Variants in CRTAC1 observed in about 807,000 individuals in gnomAD.
CRTAC1 encodes the protein acidic secreted protein in cartilage.
CRTAC1 carries 37 observed loss-of-function variants against 67.8 expected under a neutral mutation model. The ratio of observed to expected loss-of-function variants is 0.55; its 90% CI spans 0.42 to 0.72. The LOEUF (loss-of-function observed/expected upper bound fraction) is 0.72. Among genes scored for constraint, CRTAC1 ranks in the 30% least tolerant of loss-of-function variants. CRTAC1 has a pLI of 0.00. For missense variants in CRTAC1, 780 were observed against 931.6 expected, an observed-to-expected ratio of 0.84 and a Z score of 2.12; for synonymous variants, 348 against 371.0, an observed-to-expected ratio of 0.94 and a Z score of 0.71.
chr10:97,881,089 C>G (rs7895168), intron 13 of CRTAC1, among the ~76,000 whole-genome samples: 25,575 of 152,166 alleles, frequency 0.17, 2,449 homozygotes, highest in African/African-American at 0.27. Context: ...CTGGCTTCCC[C>G]TCTTCCCTCC....
In CRTAC1 at chr10:97,909,166, G is replaced by A. The variant is rs149205042; in HGVS notation, c.716-1019C>T. On this transcript the variant is annotated intron_variant, in intron 5 of 14. Transcript: ENST00000370597. Reference sequence around the variant, plus strand: ...CTAAGATCAAATCTGAGCTATCCACGTCAAGAAGTCTAACCTTAATACGTC... The same window carrying A: ...CTAAGATCAAATCTGAGCTATCCACATCAAGAAGTCTAACCTTAATACGTC... Among the ~76,000 whole-genome samples, 248 of 152,204 alleles carry A rather than the reference G, an allele frequency of 1.6e-3. 2 individuals are homozygous for A. Among genetic ancestry groups the A allele is most frequent in the African/African-American group, 5.4e-3 (224 of 41,524 alleles).
intron 14 of CRTAC1, 107 bp from the exon 15 acceptor site, chr10:97,865,821 GGTGGGAGGGAGGGT>G: frequency 7.8e-7 from 1 of 1,274,916 alleles, no homozygotes; most frequent in Non-Finnish European, 1.0e-6. Context: ...TGCTGCCCGG[GGTGGGAGGGAGGGT>G]GACGGGCCTC....
chr10:98,007,387 C>T lies in CRTAC1; in HGVS notation c.224+3751G>A, dbSNP rs115912338. ...GGAGACAGTGACAAATCATCCAAAG[C>T]TGAAGATAATAAAAAGTTATATTTG... is the stretch of plus-strand genomic sequence containing the variant. On this transcript the variant is annotated intron_variant, in intron 2 of 14. Coordinates refer to ENST00000370597, the MANE Select transcript of CRTAC1 (RefSeq NM_018058.7). Among the ~76,000 whole-genome samples, 582 of 152,306 alleles carry T rather than the reference C, an allele frequency of 3.8e-3. 12 individuals are homozygous for T. Among genetic ancestry groups the T allele is most frequent in the African/African-American group, 0.013 (561 of 41,572 alleles).
chr10:97,935,205 T>G (rs1590220658), intron 3 of CRTAC1, among the ~76,000 whole-genome samples: 1 of 152,296 alleles, frequency 6.6e-6, no homozygotes, highest in African/African-American at 2.4e-5. Context: ...TCAGGTAACC[T>G]CTTTGTGGCT....
intron 14 of CRTAC1, among the ~76,000 whole-genome samples, chr10:97,876,677 A>G (rs995612424): frequency 4.6e-5 from 7 of 152,184 alleles, no homozygotes. Flanking sequence ...GCATAAGGCA[A>G]CAAAGATGTC....
In CRTAC1 at chr10:98,011,263, G is replaced by C; in HGVS notation, c.99C>G (p.Pro33=). Reference sequence around the variant, plus strand: ...CTGAGTTGGTGACTGCAGTGAACATGGGTTCAGCCCGCTGGGACCCCTCAG... The same window carrying C: ...CTGAGTTGGTGACTGCAGTGAACATCGGTTCAGCCCGCTGGGACCCCTCAG... The part of the protein sequence containing the change: ...PITEGSQRAE[P]MFTAVTNSVL... Residue 33 remains proline, a synonymous_variant, in exon 2 of 15, where the codon CCC becomes CCG. Coordinates refer to ENST00000370597, the MANE Select transcript of CRTAC1 (RefSeq NM_018058.7). 1 of 1,614,180 alleles carries C rather than the reference G, an allele frequency of 6.2e-7. No homozygotes were observed.
chr10:98,020,975 C>T (rs1004752526), intron 1 of CRTAC1, among the ~76,000 whole-genome samples: 2 of 152,070 alleles, frequency 1.3e-5, no homozygotes, highest in African/African-American at 2.4e-5. Flanking sequence ...AATACTGTGG[C>T]CCAAGTGAGC....
At chr10:97,939,472 G>A (rs1278565705) in intron 2 of CRTAC1, among the ~76,000 whole-genome samples, 1 of 152,058 alleles carries the variant, frequency 6.6e-6, no homozygotes, top group Non-Finnish European at 1.5e-5. Context: ...CTGCCTCCCA[G>A]GACTACAGAT....
At chr10:97,982,868 A>G (rs1351560808) in intron 2 of CRTAC1, among the ~76,000 whole-genome samples, 1 of 152,232 alleles carries the variant, frequency 6.6e-6, no homozygotes, top group Non-Finnish European at 1.5e-5. Flanking sequence ...TTGCCTATGG[A>G]AAGATTTTCA....
intron 2 of CRTAC1, among the ~76,000 whole-genome samples, chr10:97,950,244 C>T (rs201289443): frequency 8.9e-6 from 1 of 112,128 alleles, no homozygotes; most frequent in Non-Finnish European, 1.8e-5. Flanking sequence ...CACACACACA[C>T]ACAGAGAGAG....
At chr10:97,961,375 A>C (rs2051522947) in intron 2 of CRTAC1, among the ~76,000 whole-genome samples, 1 of 152,226 alleles carries the variant, frequency 6.6e-6, no homozygotes, top group Non-Finnish European at 1.5e-5. Flanking sequence ...TTAGGGGGGA[A>C]AACGTCATGA....
In CRTAC1 at chr10:97,865,730, T is replaced by C. The variant is rs770197602; in HGVS notation, c.1820-16A>G. ...CCGAGAGTCCCTGTAGGGAGGTGTA[T>C]GGCCGGAGTGAGGGCCTTGCAGACC... On this transcript the variant is annotated splice_polypyrimidine_tract_variant and intron_variant, in intron 14 of 14. Coordinates refer to ENST00000370597, the MANE Select transcript of CRTAC1 (RefSeq NM_018058.7). The C allele has an allele frequency of 1.3e-5, 19 of 1,512,894 alleles. No homozygotes were observed. The highest frequency in any genetic ancestry group is 1.1e-4 in the Admixed American group (6 of 55,592). The allele number at this position is 1,512,894 out of a possible 1,614,324, so 93.7% of individuals were successfully genotyped here. A position where few individuals can be genotyped will look rare whatever the true frequency, so the allele number is the denominator to read the frequency against.
At chr10:97,887,300 GGT>G (rs2050300955) in intron 11 of CRTAC1, among the ~76,000 whole-genome samples, 1 of 150,288 alleles carries the variant, frequency 6.7e-6, no homozygotes, top group African/African-American at 2.5e-5. Context: ...GGAGTGCAGT[GGT>G]GGGATCTCAG....
intron 14 of CRTAC1, chr10:97,868,672 G>C (rs1205394049): frequency 1.3e-5 from 2 of 152,198 alleles, no homozygotes; most frequent in Non-Finnish European, 2.9e-5. Context: ...TATGAGGGCA[G>C]GTTCATTCTG....
chr10:97,940,455 T>C (rs962795685), intron 2 of CRTAC1, among the ~76,000 whole-genome samples: 1 of 152,266 alleles, frequency 6.6e-6, no homozygotes, highest in Non-Finnish European at 1.5e-5. Flanking sequence ...CAAGGTCCCA[T>C]GTTTTGAAGC....
rs372217360 is a variant in CRTAC1, at chr10:97,880,287, C to T, written c.1781G>A (p.Arg594Gln). 84 of 1,614,180 alleles carry T rather than the reference C, an allele frequency of 5.2e-5. No individual in the cohort carries two copies. The East Asian group carries it at 6.2e-4, about 12-fold the overall frequency. ...YRCRTNKKCS[R>Q]GYEPNEDGTA... is the part of the protein sequence containing the mutation. ...GCCATCCTCGTTGGGCTCGTAGCCC[C>T]GACTGCACTTCTTGTTGGTCCGGCA... The change falls in exon 14 of 15, where the codon CGG becomes CAG. Residue 594 changes from arginine (R) to glutamine (Q), a missense_variant. Transcript: ENST00000370597.
chr10:97,908,164 C>T lies in CRTAC1; in HGVS notation c.716-17G>A, dbSNP rs190055745. 8,551 of 1,613,202 alleles carry T rather than the reference C, an allele frequency of 5.3e-3. 35 individuals carry two copies. The highest frequency in any genetic ancestry group is 6.2e-3 in the Non-Finnish European group (7,356 of 1,179,508). ...CTCGGCCCCCTAGAAAAGACATCGACCCACAGTGAGTGGCAGAAGCAAGCC... is the reference window on the plus strand; with the variant it reads ...CTCGGCCCCCTAGAAAAGACATCGATCCACAGTGAGTGGCAGAAGCAAGCC... On this transcript the variant is annotated splice_polypyrimidine_tract_variant and intron_variant, in intron 5 of 14. Transcript: ENST00000370597.
intron 4 of CRTAC1, 88 bp downstream of exon 4, chr10:97,923,176 C>A: frequency 6.6e-7 from 1 of 1,517,838 alleles, no homozygotes; most frequent in East Asian, 2.3e-5. Flanking sequence ...GCGGGAGACG[C>A]CACTCTGTCA....
At chr10:98,008,862 C>T (rs1401248957) in intron 2 of CRTAC1, among the ~76,000 whole-genome samples, 1 of 152,126 alleles carries the variant, frequency 6.6e-6, no homozygotes, top group Non-Finnish European at 1.5e-5. Flanking sequence ...CAGGGTCTAT[C>T]AGGGGAGGCC....
Sources: gnomAD v4.1 joint callset for allele counts (sites outside exome capture counted in the v4.1 genomes callset) on GRCh38, gnomAD v4.1.1 for gene constraint, MANE v1.5 for transcripts, NCBI Gene and HGNC (gene_info 2026-07-23, HGNC 2026-07-21) for gene names.